Variants in STAT5B observed in about 807,000 individuals in gnomAD.
The protein encoded by STAT5B is transcription factor STAT5B.
In STAT5B, 21 loss-of-function variants were observed where a neutral mutation model predicts 107.8. That is an observed-to-expected ratio of 0.19 (90% confidence interval 0.14 to 0.28). The LOEUF is 0.28. STAT5B is among the 10% of genes least tolerant of loss of function. The pLI is 1.00. For synonymous variants in STAT5B, 325 were observed against 401.7 expected (o/e 0.81, Z 2.28); for missense variants, 565 against 1,008.2 (o/e 0.56, Z 5.95).
At chr17:42,275,095 G>T (rs1318636173) in intron 1 of STAT5B, 1 of 152,202 alleles carries the variant, frequency 6.6e-6, no homozygotes, top group African/African-American at 2.4e-5. Flanking sequence ...CAGAGTCCTT[G>T]AAGTTTCAAT....
chr17:42,274,484 C>T (rs1425954159), intron 1 of STAT5B, among the ~76,000 whole-genome samples: 1 of 152,122 alleles, frequency 6.6e-6, no homozygotes, highest in East Asian at 1.9e-4. Flanking sequence ...TTCTTAAAAT[C>T]AGCAGCCCCT....
At chr17:42,214,582 C>T (rs1413568187) in intron 12 of STAT5B, 4 of 985,276 alleles carry the variant, frequency 4.1e-6, no homozygotes, top group African/African-American at 1.7e-5. Flanking sequence ...AGCTGTTGAA[C>T]TAACAGTCAA....
intron 1 of STAT5B, among the ~76,000 whole-genome samples, chr17:42,242,474 C>T (rs2080412311): frequency 6.6e-6 from 1 of 152,090 alleles, no homozygotes; most frequent in Non-Finnish European, 1.5e-5. Context: ...GATCAAACAT[C>T]CCCAATCATG....
At chr17:42,263,517 T>C (rs1195368148) in intron 1 of STAT5B, among the ~76,000 whole-genome samples, 1 of 152,076 alleles carries the variant, frequency 6.6e-6, no homozygotes, top group African/African-American at 2.4e-5. Context: ...TATCATCTGT[T>C]TTTTTGTTTG....
chr17:42,231,554 C>T (rs1222513312), intron 2 of STAT5B, among the ~76,000 whole-genome samples: 1 of 152,222 alleles, frequency 6.6e-6, no homozygotes, highest in South Asian at 2.1e-4. Context: ...GTTGCTCAGG[C>T]CTTCCTTGAA....
chr17:42,246,054 G>A (rs1297206586), intron 1 of STAT5B, among the ~76,000 whole-genome samples: 1 of 152,244 alleles, frequency 6.6e-6, no homozygotes, highest in African/African-American at 2.4e-5. Context: ...AGGTCAAAGA[G>A]AAGTGTAAAC....
intron 16 of STAT5B, among the ~76,000 whole-genome samples, chr17:42,206,870 CG>C (rs1567654592): frequency 7.0e-6 from 1 of 142,768 alleles, no homozygotes; most frequent in East Asian, 2.2e-4. Context: ...CCACCACGCC[CG>C]ACCTTCCTTT....
At chr17:42,233,202 CAT>C (rs2080331362) in intron 1 of STAT5B, among the ~76,000 whole-genome samples, 1 of 152,076 alleles carries the variant, frequency 6.6e-6, no homozygotes, top group East Asian at 1.9e-4. Flanking sequence ...ATATAATAAA[CAT>C]ATGCCATTTT....
At chr17:42,224,974 G>T in intron 3 of STAT5B, 106 bp from the exon 4 acceptor site, 1 of 1,085,076 alleles carries the variant, frequency 9.2e-7, no homozygotes, top group Non-Finnish European at 1.4e-6. Context: ...AATCACAGGA[G>T]GCACTGTTCC....
chr17:42,270,378 T>C (rs2080713139), intron 1 of STAT5B: 1 of 152,144 alleles, frequency 6.6e-6, no homozygotes, highest in African/African-American at 2.4e-5. Context: ...AGTACAGACG[T>C]GCATGTCAAC....
At chr17:42,245,555 T>C (rs898525457) in intron 1 of STAT5B, among the ~76,000 whole-genome samples, 1 of 150,942 alleles carries the variant, frequency 6.6e-6, no homozygotes, top group African/African-American at 2.4e-5. Flanking sequence ...GGAGTTTTGC[T>C]CTTATTGCCC....
Position 42,224,782 on chromosome 17 carries a change from G to T in STAT5B, c.372C>A (p.Asn124Lys), listed in dbSNP as rs1396882691. The T allele has an allele frequency of 6.2e-7, 1 of 1,613,828 alleles. No individual in the cohort carries two copies. The highest frequency in any genetic ancestry group is 1.1e-5 in the South Asian group (1 of 91,078). ...YNEQRLVREANNGSSPAGSLA... is the reference protein window; with the variant it reads ...YNEQRLVREAKNGSSPAGSLA... ...CCCATCCCTATGGGACACTCACATT[G>T]TTGGCTTCTCGGACCAACCTCTGTT... The change falls in exon 4 of 19, where the codon AAC (asparagine) becomes AAA (lysine). Residue 124 changes from asparagine (N) to lysine (K), a missense_variant. By Grantham distance (94) the Asn-to-Lys change is moderately conservative (BLOSUM62 0). Coordinates refer to ENST00000293328, the MANE Select transcript of STAT5B (RefSeq NM_012448.4).
chr17:42,235,236 C>T (rs1205601007), intron 1 of STAT5B: 1 of 152,192 alleles, frequency 6.6e-6, no homozygotes, highest in African/African-American at 2.4e-5. Flanking sequence ...CATATATTTG[C>T]TTACTGACTT....
chr17:42,224,945 C>T, intron 3 of STAT5B, 77 bp from the exon 4 acceptor site: 2 of 1,470,308 alleles, frequency 1.4e-6, no homozygotes, highest in South Asian at 1.2e-5. Context: ...GGATGGGGAG[C>T]CTCCTGAGGG....
At chr17:42,235,842 T>A (rs1322256355) in intron 1 of STAT5B, among the ~76,000 whole-genome samples, 2 of 152,150 alleles carry the variant, frequency 1.3e-5, no homozygotes, top group African/African-American at 4.8e-5. Flanking sequence ...TGGAAAGTGG[T>A]CAAAAAATAC....
chr17:42,208,545 AG>A (rs970484781), intron 15 of STAT5B, among the ~76,000 whole-genome samples: 3 of 152,186 alleles, frequency 2.0e-5, no homozygotes, highest in African/African-American at 4.8e-5. Context: ...GTAGATAAGC[AG>A]GTAATACAAA....
intron 1 of STAT5B, among the ~76,000 whole-genome samples, chr17:42,251,954 G>C (rs1020472976): frequency 6.7e-6 from 1 of 150,154 alleles, no homozygotes; most frequent in Non-Finnish European, 1.5e-5. Flanking sequence ...AGCCGAGATC[G>C]TGCCACTGCA....
At chr17:42,264,347 TCCCTCCC>T (rs2080647809) in intron 1 of STAT5B, among the ~76,000 whole-genome samples, 1 of 116,472 alleles carries the variant, frequency 8.6e-6, no homozygotes, top group Non-Finnish European at 1.8e-5. Context: ...CCCAATGCTA[TCCCTCCC>T]CCCTCCCCCC....
chr17:42,214,693 C>T lies in STAT5B; in HGVS notation c.1473+1321G>A, dbSNP rs910319782. On this transcript the variant is annotated intron_variant, in intron 12 of 18. Coordinates refer to ENST00000293328, the MANE Select transcript of STAT5B (RefSeq NM_012448.4). ...ATGTCCCAAATGATAACCCTTTTAT[C>T]ATGCTTTTATGGACTAATCTCTATT... is the stretch of plus-strand genomic sequence containing the variant. The T allele has an allele frequency of 2.9e-5, 28 of 951,998 alleles. No individual in the cohort carries two copies. The African/African-American group carries it at 3.9e-4, about 13-fold the overall frequency. 59.0% of individuals were successfully genotyped at this position (951,998 alleles called of 1,614,324 possible). A position where few individuals can be genotyped will look rare whatever the true frequency, so the allele number is the denominator to read the frequency against.
Sources: gnomAD v4.1 joint callset for allele counts (sites outside exome capture counted in the v4.1 genomes callset) on GRCh38, gnomAD v4.1.1 for gene constraint, MANE v1.5 for transcripts, NCBI Gene and HGNC (gene_info 2026-07-23, HGNC 2026-07-21) for gene names.